CDK9: variants seen among roughly 807,000 people sequenced by gnomAD.
The protein encoded by CDK9 is cyclin dependent kinase 9.
Under a neutral mutation model 39.0 loss-of-function variants are expected in CDK9, and 34 were observed. The ratio of observed to expected loss-of-function variants is 0.87; its 90% confidence interval spans 0.66 to 1.16. The LOEUF (loss-of-function observed/expected upper bound fraction) is 1.16. Ranked by LOEUF, CDK9 falls within the 50% of genes most tolerant of loss-of-function variation. The probability of loss-of-function intolerance (pLI) is 0.00; values close to 1 mark genes in which losing one functional copy is unlikely to be tolerated. For missense variants in CDK9, 369 were observed against 503.2 expected, an observed-to-expected ratio of 0.73 and a Z score of 2.55; for synonymous variants, 233 against 196.2, an observed-to-expected ratio of 1.19 and a Z score of -1.57.
chr9:127,788,565 C>G lies in CDK9; in HGVS notation c.626C>G (p.Pro209Arg). 6.4e-7 allele frequency: 1 copy of G among 1,574,536 alleles called. No homozygotes were observed. The highest frequency in any genetic ancestry group is 8.6e-7 in the Non-Finnish European group (1 of 1,160,426). Residue 209 changes from proline to arginine, a missense_variant, in exon 6 of 7, where the codon CCC (proline) becomes CGC (arginine). By Grantham distance (103) the Pro-to-Arg change is moderately radical (BLOSUM62 -2). Coordinates refer to ENST00000373264, the MANE Select transcript of CDK9 (RefSeq NM_001261.4). ...LLLGERDYGP[P>R]IDLWGAGCIM... is the part of the protein sequence containing the mutation. Reference sequence around the variant, plus strand: ...CCAGGGGAGCGGGACTACGGCCCCCCCATTGACCTGTGGGGTGCTGGGTGC... The same window carrying G: ...CCAGGGGAGCGGGACTACGGCCCCCGCATTGACCTGTGGGGTGCTGGGTGC...
rs563946978 is a variant in CDK9 at position 127,788,921 on chromosome 9, G to A, written c.753+229G>A. On this transcript the variant is annotated intron_variant, in intron 6 of 6. Transcript: ENST00000373264. The stretch of plus-strand genomic sequence containing the variant: ...CCTTGGGCAGAACATCTGAGTCAGC[G>A]CTGGGTTTCTCTTCTGTGAACCAGA... Among the ~76,000 whole-genome samples, 8 of 152,264 alleles carry A rather than the reference G, an allele frequency of 5.3e-5. No individual in the cohort carries two copies. In the South Asian group the frequency reaches 1.0e-3, roughly 20 times the overall value.
chr9:127,786,105 C>T lies in CDK9; in HGVS notation c.-44C>T, dbSNP rs1381064344. The T allele has an allele frequency of 7.5e-6, 11 of 1,472,232 alleles. No homozygotes were observed. In the African/African-American group the frequency reaches 8.7e-5, roughly 12 times the overall value. 91.2% of individuals were successfully genotyped at this position (1,472,232 alleles called of 1,614,324 possible). On this transcript the variant is annotated 5_prime_UTR_variant, in exon 1 of 7. Transcript: ENST00000373264. Reference sequence around the variant, plus strand: ...GCGGCGGGACCCGGAGCAGGAGCGGCGGCAGCAGCGACTGGGGGCGGCGGC... The same window carrying T: ...GCGGCGGGACCCGGAGCAGGAGCGGTGGCAGCAGCGACTGGGGGCGGCGGC...
At position 127,789,779 on chromosome 9, in the gene CDK9, A is replaced by G; in HGVS notation, c.*236A>G. On this transcript the variant is annotated 3_prime_UTR_variant, in exon 7 of 7. Coordinates refer to ENST00000373264, the MANE Select transcript of CDK9 (RefSeq NM_001261.4). The surrounding 1 kb of genome is among the most constrained non-coding windows in gnomAD (Gnocchi z 5.2). ...TCTGGATGGTTCCCAGAGGGTTTCC[A>G]TGGGGTAGGAGGATGGGCTCGCCCA... The G allele has an allele frequency of 1.7e-6, 1 of 576,148 alleles. No individual in the cohort carries two copies. The highest frequency in any genetic ancestry group is 3.1e-5 in the East Asian group (1 of 31,948). 35.7% of individuals were successfully genotyped at this position (576,148 alleles called of 1,614,324 possible).
chr9:127,788,508 G>A, intron 5 of CDK9, 36 bp from the exon 6 acceptor site: 12 of 1,534,980 alleles, frequency 7.8e-6, no homozygotes, highest in South Asian at 1.2e-5. Flanking sequence ...AGGCCCTCGG[G>A]CTCAAGGGGC....
chr9:127,786,830 C>G (rs1829330639), intron 2 of CDK9, 48 bp downstream of exon 2: 2 of 1,560,408 alleles, frequency 1.3e-6, no homozygotes, highest in African/African-American at 1.4e-5. Context: ...TGCCCGGGAC[C>G]CCGGGTCGGT....
At chr9:127,787,745 C>A in intron 3 of CDK9, 137 bp downstream of exon 3, 1 of 850,352 alleles carries the variant, frequency 1.2e-6, no homozygotes, top group Non-Finnish European at 1.9e-6. Context: ...GGTCCTCTTT[C>A]ATCGTAGCTG....
Position 127,789,890 on chromosome 9 carries a change from A to C in CDK9, c.*347A>C. The C allele has an allele frequency of 3.6e-6, 1 of 280,202 alleles. No individual in the cohort carries two copies. Among genetic ancestry groups the C allele is most frequent in the Non-Finnish European group, 6.8e-6 (1 of 146,886 alleles). 17.4% of individuals were successfully genotyped at this position (280,202 alleles called of 1,614,324 possible). A position where few individuals can be genotyped will look rare whatever the true frequency, so the allele number is the denominator to read the frequency against. ...CCACAATCCTATTCTCGGGCTGAGA[A>C]CCCTGCGTGGGGACAGGGCTCGCCT... On this transcript the variant is annotated 3_prime_UTR_variant, in exon 7 of 7. Transcript: ENST00000373264. The surrounding 1 kb of genome is among the most constrained non-coding windows in gnomAD (Gnocchi z 5.2).
At chr9:127,786,822 C>T (rs1460731972) in intron 2 of CDK9, 40 bp downstream of exon 2, 2 of 1,571,512 alleles carry the variant, frequency 1.3e-6, no homozygotes, top group Non-Finnish European at 1.7e-6. Flanking sequence ...CGGCTAACTG[C>T]CCGGGACCCC....
rs750834413 is a variant in CDK9, at chr9:127,789,228, C to T, written c.804C>T (p.Val268=). The T allele has an allele frequency of 1.9e-6, 3 of 1,609,852 alleles. No individual in the cohort carries two copies. The highest frequency in any genetic ancestry group is 2.5e-6 in the Non-Finnish European group (3 of 1,177,106). Residue 268 remains valine, a synonymous_variant, in exon 7 of 7, where the codon GTC becomes GTT. Coordinates refer to ENST00000373264, the MANE Select transcript of CDK9 (RefSeq NM_001261.4). This position sits in a 1 kb window ranked among gnomAD's most constrained non-coding sequence, Gnocchi z 5.2. ...AGCTGTACGAAAAGCTGGAGCTGGTCAAGGGCCAGAAGCGGAAGGTGAAGG... is the reference window on the plus strand; with the variant it reads ...AGCTGTACGAAAAGCTGGAGCTGGTTAAGGGCCAGAAGCGGAAGGTGAAGG... The part of the protein sequence containing the change: ...NYELYEKLEL[V]KGQKRKVKDR...
At position 127,788,169 on chromosome 9, in the gene CDK9, C is replaced by G. The variant is rs377085296; in HGVS notation, c.433-45C>G. 1.4e-5 allele frequency: 22 copies of G among 1,613,286 alleles called. No homozygotes were observed. In the Admixed American group the frequency reaches 1.5e-4, roughly 11 times the overall value. On this transcript the variant is annotated intron_variant, in intron 4 of 6. Coordinates refer to ENST00000373264, the MANE Select transcript of CDK9 (RefSeq NM_001261.4). ...GCTTGGGCTGGTCTTGGCTCCCACT[C>G]CCGGGTGGATGTCACTAAAGGACCC...
rs898414584 is a variant in CDK9, at chr9:127,790,335, G to C, written c.*792G>C. The C allele has an allele frequency of 6.6e-6, 1 of 152,328 alleles. No homozygotes were observed. The highest frequency in any genetic ancestry group is 6.5e-5 in the Admixed American group (1 of 15,280). The allele number at this position is 152,328 out of a possible 1,614,324, so 9.4% of individuals were successfully genotyped here. A position where few individuals can be genotyped will look rare whatever the true frequency, so the allele number is the denominator to read the frequency against. Reference sequence around the variant, plus strand: ...GTGAGGGAATTGGTGAGGGCCTGCTGTGAGCTGCTGTGGCTGCGATGGTCA... The same window carrying C: ...GTGAGGGAATTGGTGAGGGCCTGCTCTGAGCTGCTGTGGCTGCGATGGTCA... On this transcript the variant is annotated 3_prime_UTR_variant, in exon 7 of 7. Transcript: ENST00000373264.
intron 2 of CDK9, 92 bp from the exon 3 acceptor site, chr9:127,787,426 C>A: frequency 2.6e-6 from 2 of 772,576 alleles, no homozygotes; most frequent in Non-Finnish European, 4.5e-6. Context: ...CATGATCTTG[C>A]TCTGTCTCCC....
rs1829361723 is a variant in CDK9, at chr9:127,788,000, G to A, written c.319G>A (p.Glu107Lys). Residue 107 changes from glutamate (E) to lysine (K), a missense_variant, in exon 4 of 7, where the codon GAG (glutamate) becomes AAG (lysine). Glu to Lys is a moderately conservative substitution (Grantham distance 56). Coordinates refer to ENST00000373264, the MANE Select transcript of CDK9 (RefSeq NM_001261.4). ...TATATACCTGGTGTTCGACTTCTGC[G>A]AGCATGACCTTGCTGGGCTGTTGAG... ...GSIYLVFDFC[E>K]HDLAGLLSNV... 1.9e-6 allele frequency: 3 copies of A among 1,614,184 alleles called. No homozygotes were observed. Among genetic ancestry groups the A allele is most frequent in the Non-Finnish European group, 2.5e-6 (3 of 1,180,042 alleles).
At chr9:127,786,317 C>CCA in intron 1 of CDK9, 77 bp downstream of exon 1, 1 of 1,208,274 alleles carries the variant, frequency 8.3e-7, no homozygotes, top group Non-Finnish European at 1.2e-6. Context: ...CGGGCCCCCC[C>CCA]CGAGTTGGTA....
intron 1 of CDK9, 32 bp downstream of exon 1, chr9:127,786,272 T>G: frequency 6.4e-7 from 1 of 1,567,052 alleles, no homozygotes; most frequent in Non-Finnish European, 8.7e-7. Context: ...CCGGGAGCCC[T>G]GGGCCTGCAC....
At chr9:127,786,336 G>A (rs529276597) in intron 1 of CDK9, 96 bp downstream of exon 1, 113 of 1,023,600 alleles carry the variant, frequency 1.1e-4, no homozygotes, top group Non-Finnish European at 1.5e-4. Context: ...TAGAGAAGTC[G>A]TCTGTCCCCG....
In CDK9 at chr9:127,788,364, C is replaced by G; in HGVS notation, c.583C>G (p.Arg195Gly). Reference protein sequence around the residue: ...YTNRVVTLWYRPPELLLGERD... With the variant: ...YTNRVVTLWYGPPELLLGERD... ...CAACCGTGTGGTGACACTCTGGTAC[C>G]GGCCCCCGGAGCTGTTGCTCGGTGA... Residue 195 changes from arginine to glycine, a missense_variant, in exon 5 of 7, where the codon CGG becomes GGG. Coordinates refer to ENST00000373264, the MANE Select transcript of CDK9 (RefSeq NM_001261.4). 1.2e-6 allele frequency: 2 copies of G among 1,612,540 alleles called. No individual in the cohort carries two copies. Among genetic ancestry groups the G allele is most frequent in the Non-Finnish European group, 8.5e-7 (1 of 1,179,872 alleles).
chr9:127,788,776 C>A (rs545129866), intron 6 of CDK9, 84 bp downstream of exon 6: 1 of 1,378,994 alleles, frequency 7.3e-7, no homozygotes, highest in East Asian at 2.4e-5. Context: ...AAGGAGCGCT[C>A]CTCTCTGGAA....
rs780095447 is a variant in CDK9 at position 127,789,387 on chromosome 9, C to A, written c.963C>A (p.Pro321=). 6.2e-7 allele frequency: 1 copy of A among 1,613,936 alleles called. No homozygotes were observed. The highest frequency in any genetic ancestry group is 1.3e-5 in the African/African-American group (1 of 74,912). ...ACTTCTTCTGGTCCGACCCCATGCCCTCCGACCTCAAGGGCATGCTCTCCA... is the reference window on the plus strand; with the variant it reads ...ACTTCTTCTGGTCCGACCCCATGCCATCCGACCTCAAGGGCATGCTCTCCA... ...NHDFFWSDPM[P]SDLKGMLSTH... The change falls in exon 7 of 7, where the codon CCC becomes CCA. Residue 321 remains proline (P), a synonymous_variant. Coordinates refer to ENST00000373264, the MANE Select transcript of CDK9 (RefSeq NM_001261.4). This position sits in a 1 kb window ranked among gnomAD's most constrained non-coding sequence, Gnocchi z 5.2.
Sources: allele counts gnomAD v4.1 joint callset (sites outside exome capture counted in the v4.1 genomes callset), GRCh38; gene constraint gnomAD v4.1.1; non-coding constraint Gnocchi (gnomAD v3.1); transcripts MANE v1.5; gene names NCBI Gene and HGNC (gene_info 2026-07-23, HGNC 2026-07-21).